The following CEP85 variants were observed in gnomAD, a reference collection of about 807,000 sequenced individuals.
The protein encoded by CEP85 is centrosomal protein of 85 kDa.
Under a neutral mutation model 93.7 loss-of-function variants are expected in CEP85, and 58 were observed. That is an observed-to-expected ratio of 0.62 (90% confidence interval 0.50 to 0.77). The LOEUF (loss-of-function observed/expected upper bound fraction) is 0.77, where lower values mean the gene tolerates loss of function less well. Ranked by LOEUF, CEP85 falls within the 30% of genes least tolerant of loss-of-function variation. The pLI, the probability that CEP85 is intolerant of heterozygous loss-of-function variation, is 0.00. For missense variants in CEP85, 868 were observed against 922.0 expected (o/e 0.94, Z 0.76); for synonymous variants, 314 against 338.6 (o/e 0.93, Z 0.80).
intron 11 of CEP85, among the ~76,000 whole-genome samples, chr1:26,273,663 G>A (rs191858130): frequency 4.5e-4 from 68 of 152,202 alleles, no homozygotes; most frequent in African/African-American, 1.5e-3. Context: ...TTGGGAGGCC[G>A]AGGTGGGCAG....
At chr1:26,276,925 T>C (rs1381279122) in intron 13 of CEP85, among the ~76,000 whole-genome samples, 165 bp downstream of exon 13, 1 of 152,236 alleles carries the variant, frequency 6.6e-6, no homozygotes, top group African/African-American at 2.4e-5. Context: ...TGTTCACAAA[T>C]CTGTTTTTGG....
chr1:26,266,508 G>A (rs1358523377), intron 7 of CEP85, among the ~76,000 whole-genome samples: 1 of 152,182 alleles, frequency 6.6e-6, no homozygotes, highest in Non-Finnish European at 1.5e-5. Flanking sequence ...AAACATTTAT[G>A]GTCAGTTTAC....
At chr1:26,250,623 A>G (rs1299343157) in intron 3 of CEP85, among the ~76,000 whole-genome samples, 2 of 152,244 alleles carry the variant, frequency 1.3e-5, no homozygotes, top group African/African-American at 4.8e-5. Context: ...ATTTTCTAAT[A>G]TGTCCATTTA....
chr1:26,259,774 C>T lies in CEP85; in HGVS notation c.1313C>T (p.Ser438Phe), dbSNP rs1273967571. 1 of 1,612,518 alleles carries T rather than the reference C, an allele frequency of 6.2e-7. No individual in the cohort carries two copies. The highest frequency in any genetic ancestry group is 8.5e-7 in the Non-Finnish European group (1 of 1,179,458). Reference protein sequence around the residue: ...ESLKVALQKHSEEVKKQEERV... With the variant: ...ESLKVALQKHFEEVKKQEERV... ...CTCAAAGTGGCGTTGCAGAAGCATT[C>T]TGAGGAAGTGAAGAAACAGGAAGAA... The change falls in exon 7 of 14, where the codon TCT becomes TTT. Residue 438 changes from serine (S) to phenylalanine (F), a missense_variant. Transcript: ENST00000451429.
intron 7 of CEP85, among the ~76,000 whole-genome samples, chr1:26,266,766 TA>T (rs765345298): frequency 1.3e-5 from 2 of 152,216 alleles, no homozygotes; most frequent in Non-Finnish European, 2.9e-5. Context: ...GCAAACAAAA[TA>T]AAACAAAGCA....
chr1:26,234,535 A>T (rs995844435), intron 1 of CEP85, among the ~76,000 whole-genome samples: 1 of 152,114 alleles, frequency 6.6e-6, no homozygotes, highest in Non-Finnish European at 1.5e-5. Flanking sequence ...GGTTCACCCC[A>T]CGGCAGTCAC....
chr1:26,254,357 C>A (rs1216954236), intron 3 of CEP85, among the ~76,000 whole-genome samples: 1 of 151,340 alleles, frequency 6.6e-6, no homozygotes, highest in Non-Finnish European at 1.5e-5. Context: ...TATAGTAGGG[C>A]TAATCAAGGG....
At chr1:26,272,238 T>C (rs2124610777) in intron 11 of CEP85, 167 bp downstream of exon 11, 2 of 666,662 alleles carry the variant, frequency 3.0e-6, no homozygotes, top group Non-Finnish European at 5.3e-6. Context: ...GACACAAATA[T>C]AGTAGGGAGT....
intron 2 of CEP85, among the ~76,000 whole-genome samples, chr1:26,241,772 T>C (rs1211911034): frequency 6.6e-6 from 1 of 152,088 alleles, no homozygotes; most frequent in Non-Finnish European, 1.5e-5. Context: ...TTTTCTTTTT[T>C]TTTTTTGGAG....
chr1:26,263,914 G>C (rs1170607651), intron 7 of CEP85, among the ~76,000 whole-genome samples: 2 of 152,140 alleles, frequency 1.3e-5, no homozygotes, highest in African/African-American at 4.8e-5. Flanking sequence ...CATATATGTG[G>C]TTTCTTCAGG....
At chr1:26,250,941 T>TC (rs1557653767) in intron 3 of CEP85, among the ~76,000 whole-genome samples, 2 of 111,098 alleles carry the variant, frequency 1.8e-5, no homozygotes, top group Non-Finnish European at 1.8e-5. Context: ...TCTTTTTTTT[T>TC]TTTTTTTTTT....
rs202075158 is a variant in CEP85 at position 26,258,235 on chromosome 1, G to A, written c.1130G>A (p.Gly377Asp). The change falls in exon 6 of 14, where the codon GGT (glycine) becomes GAT (aspartate). Residue 377 changes from glycine (G) to aspartate (D), a missense_variant. By Grantham distance (94) the Gly-to-Asp change is moderately conservative (BLOSUM62 -1). Coordinates refer to ENST00000451429, the MANE Select transcript of CEP85 (RefSeq NM_001319944.2). ...SALLGRPAPF[G>D]DVCLLRLQEL... ...CTCTTGGGCCGCCCTGCCCCCTTTG[G>A]TGATGTCTGCTTGCTGAGGCTACAG... 1.9e-5 allele frequency: 31 copies of A among 1,613,606 alleles called. No individual in the cohort carries two copies. The Admixed American group carries it at 5.2e-4, about 27-fold the overall frequency.
intron 11 of CEP85, 38 bp from the exon 12 acceptor site, chr1:26,274,926 C>T (rs1199357668): frequency 6.7e-7 from 1 of 1,501,454 alleles, no homozygotes; most frequent in African/African-American, 1.4e-5. Context: ...ACTTGTTACC[C>T]CTACTGTGTT....
chr1:26,251,028 G>A (rs11247885), intron 3 of CEP85, among the ~76,000 whole-genome samples: 25,775 of 136,398 alleles, frequency 0.19, 2,913 homozygotes, highest in African/African-American at 0.33. Flanking sequence ...TGCAGCTTCC[G>A]CCTCCCATGT....
intron 1 of CEP85, among the ~76,000 whole-genome samples, chr1:26,238,174 A>G (rs1319227656): frequency 6.9e-6 from 1 of 144,304 alleles, no homozygotes; most frequent in Non-Finnish European, 1.5e-5. Flanking sequence ...AGAGTGATAG[A>G]ATTATGTTCT....
rs185767011 is a variant in CEP85, at chr1:26,272,769, C to T, written c.1794+698C>T. Among the ~76,000 whole-genome samples, 937 of 151,996 alleles carry T rather than the reference C, an allele frequency of 6.2e-3. 9 individuals carry two copies. The highest frequency in any genetic ancestry group is 0.021 in the African/African-American group (867 of 41,430). On this transcript the variant is annotated intron_variant, in intron 11 of 13. Coordinates refer to ENST00000451429, the MANE Select transcript of CEP85 (RefSeq NM_001319944.2). ...TCAGCCTCCCGAGTAGCTGGTATTA[C>T]GGGTGCCCACCATCACGCCCGGCTA... is the stretch of plus-strand genomic sequence containing the variant.
chr1:26,262,741 A>G (rs752608092), intron 7 of CEP85, among the ~76,000 whole-genome samples: 4 of 152,236 alleles, frequency 2.6e-5, no homozygotes, highest in Admixed American at 6.5e-5. Context: ...CTTGCAAACT[A>G]TTCCTCCTCA....
chr1:26,276,370 A>G (rs1216605813), intron 12 of CEP85, among the ~76,000 whole-genome samples, 165 bp from the exon 13 acceptor site: 1 of 152,132 alleles, frequency 6.6e-6, no homozygotes, highest in Non-Finnish European at 1.5e-5. Flanking sequence ...CAGGCCTGAT[A>G]CTGATAGTGG....
At chr1:26,266,705 T>A (rs1304674404) in intron 7 of CEP85, among the ~76,000 whole-genome samples, 1 of 152,266 alleles carries the variant, frequency 6.6e-6, no homozygotes, top group Non-Finnish European at 1.5e-5. Context: ...TTAGTAGATC[T>A]GCATCACTTT....
Sources: allele counts gnomAD v4.1 joint callset (sites outside exome capture counted in the v4.1 genomes callset), GRCh38; gene constraint gnomAD v4.1.1; transcripts MANE v1.5; gene names NCBI Gene and HGNC (gene_info 2026-07-23, HGNC 2026-07-21).